URB1: variants seen among roughly 807,000 people sequenced by gnomAD.
URB1 encodes URB1 ribosome biogenesis factor.
A neutral mutation model predicts 242.3 loss-of-function variants in URB1; 197 were observed. The observed-to-expected ratio is 0.81, with a 90% CI of 0.72 to 0.91. URB1 has a LOEUF of 0.91. URB1 is among the 40% of genes least tolerant of loss of function. URB1 has a pLI of 0.00. For synonymous variants in URB1, 1,153 were observed against 1,201.8 expected, an observed-to-expected ratio of 0.96 and a Z score of 0.84; for missense variants, 2,721 against 2,860.5, an observed-to-expected ratio of 0.95 and a Z score of 1.11.
Position 32,316,895 on chromosome 21 carries a change from C to A in URB1, c.6205G>T (p.Val2069Leu), listed in dbSNP as rs1218166091. 4 of 1,551,582 alleles carry A rather than the reference C, an allele frequency of 2.6e-6. No homozygotes were observed. The East Asian group carries it at 7.3e-5, about 28-fold the overall frequency. The change falls in exon 38 of 39, where the codon GTG (valine) becomes TTG (leucine). Residue 2069 changes from valine (V) to leucine (L), a missense_variant. Physicochemically the swap from Val to Leu is conservative, Grantham distance 32. Coordinates refer to ENST00000382751, the MANE Select transcript of URB1 (RefSeq NM_014825.3). ...TGAGTGGGGTCAGGACCAGGGATCA[C>A]TGGTCTCCAGTAAGTCAAGATGGAC... ...LRSILTYWRP[V>L]IPGPDPTQEP...
intron 38 of URB1, 134 bp from the exon 39 acceptor site, chr21:32,315,233 A>G: frequency 1.4e-6 from 1 of 734,580 alleles, no homozygotes; most frequent in Non-Finnish European, 2.0e-6. Flanking sequence ...ACCCAAGGTG[A>G]GCACACCGAT....
chr21:32,329,659 A>T (rs1302356439), intron 30 of URB1, among the ~76,000 whole-genome samples: 2 of 152,212 alleles, frequency 1.3e-5, no homozygotes, highest in African/African-American at 4.8e-5. Flanking sequence ...ATAGGTTCCC[A>T]TTTCCAGCAA....
chr21:32,326,116 G>C (rs1419847905), intron 30 of URB1, among the ~76,000 whole-genome samples: 1 of 152,172 alleles, frequency 6.6e-6, no homozygotes, highest in African/African-American at 2.4e-5. Context: ...CCACAACCTA[G>C]AGGGCTCTTC....
intron 12 of URB1, 58 bp from the exon 13 acceptor site, chr21:32,361,181 AAG>A (rs2033282467): frequency 1.2e-6 from 1 of 817,464 alleles, no homozygotes; most frequent in Non-Finnish European, 1.8e-6. Context: ...GAAAGAAAGA[AAG>A]AAAGAAAGAA....
rs1601137064 is a variant in URB1 at position 32,347,779 on chromosome 21, C to T, written c.3045G>A (p.Arg1015=). ...TLEEVLVAIL[R]HPTLEGWFLA... is the part of the protein sequence containing the mutation. ...GGAACCAGCCCTCCAGGGTGGGGTG[C>T]CTGAGGATGGCCACAAGCACCTCCT... The change falls in exon 22 of 39, where the codon AGG becomes AGA. Residue 1015 remains arginine, a synonymous_variant. Transcript: ENST00000382751. The T allele has an allele frequency of 6.5e-7, 1 of 1,546,972 alleles. No homozygotes were observed. The highest frequency in any genetic ancestry group is 2.4e-5 in the East Asian group (1 of 40,906).
At chr21:32,362,739 G>T (rs2033302972) in intron 11 of URB1, among the ~76,000 whole-genome samples, 1 of 152,086 alleles carries the variant, frequency 6.6e-6, no homozygotes, top group Non-Finnish European at 1.5e-5. Context: ...AAGCAAGAGG[G>T]GCTTCCTGAG....
chr21:32,340,411 A>G (rs2033015887), intron 25 of URB1, among the ~76,000 whole-genome samples: 1 of 152,220 alleles, frequency 6.6e-6, no homozygotes, highest in South Asian at 2.1e-4. Flanking sequence ...CAGGAGTTCG[A>G]GACCAGCCTG....
chr21:32,312,446 T>A lies in URB1; in HGVS notation c.*2472A>T, dbSNP rs941685505. ...CACCCGCCGGCTCCCCCAGATGTGATGGCATCTGCCCTGCCAGGTCAGCTC... is the reference window on the plus strand; with the variant it reads ...CACCCGCCGGCTCCCCCAGATGTGAAGGCATCTGCCCTGCCAGGTCAGCTC... On this transcript the variant is annotated 3_prime_UTR_variant, in exon 39 of 39. Transcript: ENST00000382751. 3.6e-6 allele frequency: 2 copies of A among 552,208 alleles called. No homozygotes were observed. Among genetic ancestry groups the A allele is most frequent in the South Asian group, 3.2e-5 (1 of 31,094 alleles). The allele number at this position is 552,208 out of a possible 1,614,324, so 34.2% of individuals were successfully genotyped here. A position where few individuals can be genotyped will look rare whatever the true frequency, so the allele number is the denominator to read the frequency against.
rs1282562338 is a variant in URB1 at position 32,322,523 on chromosome 21, G to A, written c.5295C>T (p.Asp1765=). 6.4e-7 allele frequency: 1 copy of A among 1,552,176 alleles called. No homozygotes were observed. Among genetic ancestry groups the A allele is most frequent in the Non-Finnish European group, 8.7e-7 (1 of 1,147,132 alleles). ...FLLSHEYLNM[D]KVPGFYQFFY... is the part of the protein sequence containing the mutation. The stretch of plus-strand genomic sequence containing the variant: ...AGAACTGGTAGAAGCCTGGCACTTT[G>A]TCCATGTTCAAGTACTCATGCGACA... Residue 1765 remains aspartate, a synonymous_variant, in exon 33 of 39, where the codon GAC becomes GAT. Transcript: ENST00000382751.
chr21:32,325,272 T>C lies in URB1; in HGVS notation c.5078A>G (p.Tyr1693Cys), dbSNP rs2032816443. ...RAIAYHVLAA[Y>C]YSHLEGARFQ... ...CCGTGCGCCCTCCAAGTGCGAGTAG[T>C]AGGCCGCCAGGACATGGTAGGCTAT... The change falls in exon 31 of 39, where the codon TAC becomes TGC. Residue 1693 changes from tyrosine to cysteine, a missense_variant. By Grantham distance (194) the Tyr-to-Cys change is radical (BLOSUM62 -2). Transcript: ENST00000382751. 1 of 1,551,714 alleles carries C rather than the reference T, an allele frequency of 6.4e-7. No homozygotes were observed. Among genetic ancestry groups the C allele is most frequent in the East Asian group, 2.4e-5 (1 of 40,912 alleles).
At position 32,373,749 on chromosome 21, in the gene URB1, T is replaced by C. The variant is rs576496001; in HGVS notation, c.774A>G (p.Thr258=). The C allele has an allele frequency of 2.6e-6, 4 of 1,544,458 alleles. No individual in the cohort carries two copies. The South Asian group carries it at 4.9e-5, about 19-fold the overall frequency. The part of the protein sequence containing the change: ...KTKVVHNKNI[T]KTQKVRFFTG... ...TAAAGAAACGCACCTTCTGGGTTTT[T>C]GTGATATTTTTATTGTGAACTACCT... The change falls in exon 7 of 39, where the codon ACA becomes ACG. Residue 258 remains threonine (T), a synonymous_variant. Transcript: ENST00000382751.
At position 32,315,010 on chromosome 21, in the gene URB1, C is replaced by G; in HGVS notation, c.6724G>C (p.Val2242Leu). 2 of 1,551,686 alleles carry G rather than the reference C, an allele frequency of 1.3e-6. No homozygotes were observed. Among genetic ancestry groups the G allele is most frequent in the Non-Finnish European group, 8.7e-7 (1 of 1,146,988 alleles). Residue 2242 changes from valine to leucine, a missense_variant, in exon 39 of 39, where the codon GTG becomes CTG. Transcript: ENST00000382751. ...GGGGCATCATCTGCGGCCTCACACA[C>G]CATCCGGACGTGGGTTAAGAGGGTG... is the stretch of plus-strand genomic sequence containing the variant. ...PDTLLTHVRM[V>L]CEAADDAPSS...
intron 18 of URB1, among the ~76,000 whole-genome samples, chr21:32,353,630 G>GT (rs1239563134): frequency 6.6e-6 from 1 of 152,162 alleles, no homozygotes; most frequent in Non-Finnish European, 1.5e-5. Flanking sequence ...CTACATCAAC[G>GT]TATCAAGAAT....
intron 9 of URB1, 147 bp from the exon 10 acceptor site, chr21:32,366,902 T>C: frequency 3.4e-6 from 3 of 894,304 alleles, no homozygotes; most frequent in Non-Finnish European, 5.0e-6. Flanking sequence ...AGTGGAAGAT[T>C]AACCCTCAAA....
In URB1 at chr21:32,381,290, C is replaced by T. The variant is rs572684918; in HGVS notation, c.567+2132G>A. 4.6e-5 allele frequency among the ~76,000 whole-genome samples: 7 copies of T among 152,288 alleles called. No individual in the cohort carries two copies. In the East Asian group the frequency reaches 1.4e-3, roughly 29 times the overall value. ...TCTGCAAAACACTGTCTAAAACAGA[C>T]CAAAATACACTTGGTAAAACTGCTC... On this transcript the variant is annotated intron_variant, in intron 4 of 38. Transcript: ENST00000382751.
At chr21:32,339,521 C>T (rs552788648) in intron 25 of URB1, among the ~76,000 whole-genome samples, 3 of 147,436 alleles carry the variant, frequency 2.0e-5, no homozygotes, top group East Asian at 2.0e-4. Context: ...GACGGAGTCT[C>T]GCTCTGTCGC....
intron 6 of URB1, 132 bp from the exon 7 acceptor site, chr21:32,373,904 G>T: frequency 2.0e-6 from 2 of 982,998 alleles, no homozygotes; most frequent in South Asian, 2.2e-5. Flanking sequence ...CAGAAAATTT[G>T]GTTTAAAAAA....
rs754831287 is a variant in URB1, at chr21:32,359,908, C to A, written c.1757G>T (p.Gly586Val). Reference sequence around the variant, plus strand: ...TCGAAGGCCCTGCTCAGAGATGACACCTATGGGTGAAAAAGAGGCAGGCTG... The same window carrying A: ...TCGAAGGCCCTGCTCAGAGATGACAACTATGGGTGAAAAAGAGGCAGGCTG... ...YNFDFSKLLK[G>V]VISEQGLREE... The change falls in exon 14 of 39, where the codon GGT becomes GTT. Residue 586 changes from glycine (G) to valine (V), a missense_variant and splice_region_variant. By Grantham distance (109) the Gly-to-Val change is moderately radical. Transcript: ENST00000382751. The A allele has an allele frequency of 5.2e-6, 8 of 1,548,054 alleles. No homozygotes were observed. Among genetic ancestry groups the A allele is most frequent in the Non-Finnish European group, 7.0e-6 (8 of 1,145,664 alleles).
intron 8 of URB1, among the ~76,000 whole-genome samples, chr21:32,371,830 A>G (rs80154574): frequency 6.6e-6 from 1 of 150,714 alleles, no homozygotes. Flanking sequence ...AAAAAAAAAA[A>G]TCACATAGAC....
Sources: gnomAD v4.1 joint callset for allele counts (sites outside exome capture counted in the v4.1 genomes callset) on GRCh38, gnomAD v4.1.1 for gene constraint, MANE v1.5 for transcripts, NCBI Gene and HGNC (gene_info 2026-07-23, HGNC 2026-07-21) for gene names.